The following EPG5 variants were observed in gnomAD, a reference collection of about 807,000 sequenced individuals.
EPG5 encodes the protein ectopic P-granules 5 autophagy tethering factor, also known as ectopic P granules protein 5 homolog.
EPG5 carries 159 observed loss-of-function variants against 302.7 expected under a neutral mutation model. That is an observed-to-expected ratio of 0.53 (90% CI 0.46 to 0.60). The LOEUF (loss-of-function observed/expected upper bound fraction) is 0.60, where lower values mean the gene tolerates loss of function less well. EPG5 is among the 20% of genes least tolerant of loss of function. EPG5 has a pLI of 0.00. For missense variants in EPG5, 2,896 were observed against 3,092.4 expected (o/e 0.94, Z 1.51); for synonymous variants, 1,158 against 1,136.8 (o/e 1.02, Z -0.37).
intron 25 of EPG5, among the ~76,000 whole-genome samples, chr18:45,901,924 T>G (rs2049628964): frequency 6.6e-6 from 1 of 152,164 alleles, no homozygotes; most frequent in Non-Finnish European, 1.5e-5. Flanking sequence ...ATCCAATAGA[T>G]TCCTATCTTC....
At position 45,922,362 on chromosome 18, in the gene EPG5, G is replaced by C; in HGVS notation, c.3077C>G (p.Ser1026Cys). The C allele has an allele frequency of 6.2e-7, 1 of 1,614,194 alleles. No homozygotes were observed. ...GMPIGCYLAL[S>C]MTAVGHSIEK... Reference sequence around the variant, plus strand: ...GTACCTGTGGCCCACAGCTGTCATAGATAAGGCTAGATAACAGCCAATGGG... The same window carrying C: ...GTACCTGTGGCCCACAGCTGTCATACATAAGGCTAGATAACAGCCAATGGG... The change falls in exon 16 of 44, where the codon TCT becomes TGT. Residue 1026 changes from serine (S) to cysteine (C), a missense_variant. Ser to Cys is a moderately radical substitution (Grantham distance 112). Around this residue, in one of 5 missense-constraint regions of EPG5, gnomAD observed 1,390 missense variants for 1,430.0 expected, o/e 0.97. Transcript: ENST00000282041.
intron 25 of EPG5, among the ~76,000 whole-genome samples, chr18:45,903,746 A>T (rs1373684240): frequency 6.6e-6 from 1 of 152,244 alleles, no homozygotes; most frequent in East Asian, 1.9e-4. Flanking sequence ...GTACAAAGGA[A>T]AAGAGTTTAT....
intron 22 of EPG5, among the ~76,000 whole-genome samples, chr18:45,911,074 TCTATACACACACACAC>T (rs2049883159): frequency 7.9e-6 from 1 of 126,786 alleles, no homozygotes; most frequent in African/African-American, 3.1e-5. Flanking sequence ...TATCTATCTA[TCTATACACACACACAC>T]ACACACACAC....
intron 11 of EPG5, among the ~76,000 whole-genome samples, chr18:45,932,720 C>T (rs1328939779): frequency 6.8e-6 from 1 of 147,776 alleles, no homozygotes; most frequent in Non-Finnish European, 1.5e-5. Flanking sequence ...AAAGACTCCA[C>T]TCTCAAAGCT....
At chr18:45,819,927 G>A in the EPG5 span, among the ~76,000 whole-genome samples, 46 of 152,112 alleles carry the variant, frequency 3.0e-4, no homozygotes, top group Admixed American at 6.5e-4. Context: ...ATATCACTCC[G>A]TCTTTCTTGT....
At chr18:45,870,787 TTA>T (rs1491464572) in intron 35 of EPG5, 45 bp from the exon 36 acceptor site, 1 of 1,168,096 alleles carries the variant, frequency 8.6e-7, no homozygotes. Flanking sequence ...TTGGTTTACC[TTA>T]AAAAAAAAAA....
At chr18:45,883,461 C>CTT (rs61461493) in intron 30 of EPG5, among the ~76,000 whole-genome samples, 71,961 of 132,292 alleles carry the variant, frequency 0.54, 20,168 homozygotes, top group Non-Finnish European at 0.61. Context: ...TCAAGGTTGT[C>CTT]TTTTTTTTTT....
At chr18:45,837,527 C>T in the EPG5 span, 1 of 1,516,370 alleles carries the variant, frequency 6.6e-7, no homozygotes, top group Non-Finnish European at 8.8e-7. Context: ...GCCAGCGCAG[C>T]GCTGGTCCAT....
At chr18:45,926,040 T>C (rs2050260821) in intron 13 of EPG5, 138 bp from the exon 14 acceptor site, 1 of 491,996 alleles carries the variant, frequency 2.0e-6, no homozygotes, top group Non-Finnish European at 3.3e-6. Context: ...TTTAGACAAG[T>C]GAAATGGAAA....
chr18:45,958,539 T>C (rs1233947257), intron 1 of EPG5, among the ~76,000 whole-genome samples: 1 of 152,220 alleles, frequency 6.6e-6, no homozygotes, highest in East Asian at 1.9e-4. Context: ...AAATTGATTT[T>C]GACAAGAATG....
Position 45,948,497 on chromosome 18 carries a change from A to G in EPG5, c.1571+6T>C. The G allele has an allele frequency of 6.2e-7, 1 of 1,610,744 alleles. No homozygotes were observed. The highest frequency in any genetic ancestry group is 8.5e-7 in the Non-Finnish European group (1 of 1,177,016). On this transcript the variant is annotated splice_donor_region_variant and intron_variant, in intron 6 of 43. Coordinates refer to ENST00000282041, the MANE Select transcript of EPG5 (RefSeq NM_020964.3). ...TCTCTACTTCACAAAGCTCTTGCACACTTACTTGACAGGAGACATCAGCAG... is the reference window on the plus strand; with the variant it reads ...TCTCTACTTCACAAAGCTCTTGCACGCTTACTTGACAGGAGACATCAGCAG...
chr18:45,907,900 C>G (rs1342945671), intron 24 of EPG5, 58 bp downstream of exon 24: 9 of 1,443,722 alleles, frequency 6.2e-6, no homozygotes, highest in South Asian at 1.4e-5. Flanking sequence ...ATGACCAGTT[C>G]AAATTACATT....
At chr18:45,816,167 G>C in the EPG5 span, among the ~76,000 whole-genome samples, 1 of 152,112 alleles carries the variant, frequency 6.6e-6, no homozygotes, top group Admixed American at 6.5e-5. Flanking sequence ...TTAAACCTAA[G>C]ACTTGAAACT....
Position 45,874,576 on chromosome 18 carries a change from C to A in EPG5, c.6049+1660G>T, listed in dbSNP as rs184381113. ...AGCAGGCAAGAGAGAGAATGAGAGCCAAGCAATACGGGAAACCCCTTATCA... is the reference window on the plus strand; with the variant it reads ...AGCAGGCAAGAGAGAGAATGAGAGCAAAGCAATACGGGAAACCCCTTATCA... On this transcript the variant is annotated intron_variant, in intron 35 of 43. Transcript: ENST00000282041. 1.2e-3 allele frequency among the ~76,000 whole-genome samples: 182 copies of A among 152,212 alleles called. 1 individual carries two copies. The highest frequency in any genetic ancestry group is 2.0e-3 in the Non-Finnish European group (135 of 68,016).
At chr18:45,908,214 A>T in intron 23 of EPG5, 133 bp from the exon 24 acceptor site, 1 of 641,364 alleles carries the variant, frequency 1.6e-6, no homozygotes, top group Non-Finnish European at 2.4e-6. Context: ...TGTGGCCAAC[A>T]ACCACCACGG....
chr18:45,910,398 C>A, intron 23 of EPG5, 123 bp downstream of exon 23: 2 of 687,742 alleles, frequency 2.9e-6, no homozygotes, highest in Non-Finnish European at 4.8e-6. Flanking sequence ...TCAAAGCCAC[C>A]TTCCATATTC....
intron 25 of EPG5, 94 bp downstream of exon 25, chr18:45,903,879 C>T: frequency 7.7e-7 from 1 of 1,294,750 alleles, no homozygotes; most frequent in South Asian, 1.7e-5. Context: ...AAAATGAACA[C>T]TGGGGGAATA....
At chr18:45,963,941 A>C (rs184086417) in intron 1 of EPG5, among the ~76,000 whole-genome samples, 2 of 152,370 alleles carry the variant, frequency 1.3e-5, no homozygotes, top group African/African-American at 4.8e-5. Flanking sequence ...CAGAATCAAA[A>C]GAATATTTAG....
chr18:45,908,088 G>T lies in EPG5; in HGVS notation c.4206-7C>A. ...TATATATACATTGAAGAGCCTAAAA[G>T]ATAAAAACATAATTATACGAAACAT... is the stretch of plus-strand genomic sequence containing the variant. On this transcript the variant is annotated splice_region_variant and splice_polypyrimidine_tract_variant and intron_variant, in intron 23 of 43. Transcript: ENST00000282041. 1 of 1,501,062 alleles carries T rather than the reference G, an allele frequency of 6.7e-7. No homozygotes were observed. The highest frequency in any genetic ancestry group is 1.2e-5 in the South Asian group (1 of 80,836). 93.0% of individuals were successfully genotyped at this position (1,501,062 alleles called of 1,614,324 possible).
Sources: gnomAD v4.1 joint callset for allele counts (sites outside exome capture counted in the v4.1 genomes callset) on GRCh38, gnomAD v4.1.1 for gene constraint, gnomAD v4.1.1 regional missense constraint, MANE v1.5 for transcripts, NCBI Gene and HGNC (gene_info 2026-07-23, HGNC 2026-07-21) for gene names.